Variants in NRDC observed in about 807,000 individuals in gnomAD.
NRDC encodes nardilysin convertase.
NRDC carries 54 observed loss-of-function variants against 147.1 expected under a neutral mutation model. That is an observed-to-expected ratio of 0.37 (90% confidence interval 0.29 to 0.46). The LOEUF is 0.46. Ranked by LOEUF, NRDC falls within the 20% of genes least tolerant of loss-of-function variation. The probability of loss-of-function intolerance (pLI) is 1.00; values close to 1 mark genes in which losing one functional copy is unlikely to be tolerated. For missense variants in NRDC, 1,082 were observed against 1,370.6 expected (o/e 0.79, Z 3.33); for synonymous variants, 440 against 482.1 (o/e 0.91, Z 1.14).
intron 17 of NRDC, among the ~76,000 whole-genome samples, chr1:51,808,032 C>T (rs1186976148): frequency 6.6e-6 from 1 of 152,120 alleles, no homozygotes; most frequent in African/African-American, 2.4e-5. Context: ...TCTCAAACTC[C>T]TGACCTCAGG....
At chr1:51,796,244 CTT>C (rs571646295) in intron 22 of NRDC, among the ~76,000 whole-genome samples, 4 of 145,166 alleles carry the variant, frequency 2.8e-5, no homozygotes, top group South Asian at 2.2e-4. Context: ...ACTCCCAACT[CTT>C]TTTTTTTTTT....
intron 7 of NRDC, among the ~76,000 whole-genome samples, chr1:51,822,616 T>C (rs1680260041): frequency 1.3e-5 from 2 of 152,200 alleles, no homozygotes; most frequent in South Asian, 4.1e-4. Context: ...TCTGCCATCA[T>C]AGAGGAAGAG....
At chr1:51,816,788 G>A (rs1046798272) in intron 10 of NRDC, among the ~76,000 whole-genome samples, 2 of 152,154 alleles carry the variant, frequency 1.3e-5, no homozygotes, top group African/African-American at 2.4e-5. Context: ...GTGGTAAAAT[G>A]AAATGTGTTG....
chr1:51,792,744 C>T (rs937469651), intron 24 of NRDC, among the ~76,000 whole-genome samples: 11 of 152,294 alleles, frequency 7.2e-5, no homozygotes, highest in African/African-American at 2.4e-4. Context: ...CAACTCAAAG[C>T]CCTAAGGAAG....
chr1:51,813,977 C>T, intron 14 of NRDC, 58 bp downstream of exon 14: 6 of 1,096,668 alleles, frequency 5.5e-6, no homozygotes, highest in South Asian at 2.6e-5. Flanking sequence ...GGAACAATGT[C>T]TACACCAGCT....
At chr1:51,837,570 CCA>C (rs1489032612) in intron 2 of NRDC, 3 of 1,595,028 alleles carry the variant, frequency 1.9e-6, no homozygotes, top group South Asian at 2.3e-5. Context: ...TTGACTTAAA[CCA>C]CAGTCTATCA....
intron 1 of NRDC, among the ~76,000 whole-genome samples, chr1:51,843,943 T>G (rs753280037): frequency 1.3e-5 from 2 of 152,120 alleles, no homozygotes; most frequent in African/African-American, 2.4e-5. Flanking sequence ...CTTAAATTTT[T>G]CATAAACAGA....
chr1:51,802,077 G>A (rs917167344), intron 20 of NRDC, among the ~76,000 whole-genome samples: 2 of 152,002 alleles, frequency 1.3e-5, no homozygotes, highest in Admixed American at 6.6e-5. Context: ...GTGAGCCACC[G>A]CGCCAGGCTG....
intron 1 of NRDC, among the ~76,000 whole-genome samples, chr1:51,849,417 AAAAAC>A (rs962657164): frequency 1.3e-5 from 2 of 151,854 alleles, no homozygotes; most frequent in African/African-American, 4.8e-5. Context: ...TCCTTCTCAA[AAAAAC>A]AAAACAAAAC....
At chr1:51,857,676 A>G (rs776203150) in intron 1 of NRDC, among the ~76,000 whole-genome samples, 9 of 152,174 alleles carry the variant, frequency 5.9e-5, no homozygotes, top group Non-Finnish European at 1.3e-4. Flanking sequence ...CACAACAGAA[A>G]CTGGACTGGA....
chr1:51,793,738 A>G (rs1224989416), intron 24 of NRDC, among the ~76,000 whole-genome samples: 1 of 152,228 alleles, frequency 6.6e-6, no homozygotes, highest in East Asian at 1.9e-4. Flanking sequence ...TGATGCAGGG[A>G]ACCCAAGATA....
At chr1:51,796,238 C>A (rs1678899915) in intron 22 of NRDC, among the ~76,000 whole-genome samples, 1 of 151,764 alleles carries the variant, frequency 6.6e-6, no homozygotes, top group African/African-American at 2.4e-5. Flanking sequence ...TTTTTCACTC[C>A]CAACTCTTTT....
chr1:51,840,556 T>G, intron 1 of NRDC, 42 bp from the exon 2 acceptor site: 2 of 1,343,470 alleles, frequency 1.5e-6, no homozygotes, highest in Non-Finnish European at 2.1e-6. Flanking sequence ...GATTCAGCTG[T>G]TCTTTACACC....
intron 1 of NRDC, among the ~76,000 whole-genome samples, chr1:51,872,970 C>T (rs1462237586): frequency 6.7e-6 from 1 of 149,754 alleles, no homozygotes; most frequent in Non-Finnish European, 1.5e-5. Context: ...ATGGAATTTA[C>T]ACACATGGAA....
chr1:51,808,790 A>G (rs1374113482), intron 17 of NRDC, among the ~76,000 whole-genome samples: 2 of 152,246 alleles, frequency 1.3e-5, no homozygotes, highest in African/African-American at 2.4e-5. Flanking sequence ...ACTGCAAGCT[A>G]GTAGACAGGC....
At chr1:51,813,051 G>A (rs1304336981) in intron 14 of NRDC, among the ~76,000 whole-genome samples, 3 of 151,906 alleles carry the variant, frequency 2.0e-5, no homozygotes, top group East Asian at 1.9e-4. Context: ...AGGCCAATGA[G>A]GGAGGATAAC....
chr1:51,823,540 CT>C, intron 7 of NRDC, 123 bp downstream of exon 7: 3 of 616,140 alleles, frequency 4.9e-6, no homozygotes, highest in Non-Finnish European at 7.5e-6. Context: ...TTCTGATTTC[CT>C]TTACTTTGTA....
intron 30 of NRDC, 46 bp from the exon 31 acceptor site, chr1:51,789,479 T>C (rs1678463308): frequency 6.2e-7 from 1 of 1,607,292 alleles, no homozygotes; most frequent in African/African-American, 1.3e-5. Flanking sequence ...TGACCAGATT[T>C]AGGGGTTTAA....
chr1:51,789,675 G>A lies in NRDC; in HGVS notation c.3169-18C>T. Reference sequence around the variant, plus strand: ...GCTTCAATCTTACAAGGGAAGGGAAGATAGGAAAGAAATTCAAGAAGAAAG... The same window carrying A: ...GCTTCAATCTTACAAGGGAAGGGAAAATAGGAAAGAAATTCAAGAAGAAAG... On this transcript the variant is annotated intron_variant, in intron 29 of 30. Coordinates refer to ENST00000352171, the MANE Select transcript of NRDC (RefSeq NM_001101662.2). 6.4e-7 allele frequency: 1 copy of A among 1,558,502 alleles called. No homozygotes were observed. Among genetic ancestry groups the A allele is most frequent in the Non-Finnish European group, 8.9e-7 (1 of 1,129,594 alleles).
Sources: allele counts gnomAD v4.1 joint callset (sites outside exome capture counted in the v4.1 genomes callset), GRCh38; gene constraint gnomAD v4.1.1; transcripts MANE v1.5; gene names NCBI Gene and HGNC (gene_info 2026-07-23, HGNC 2026-07-21).